Variants in ALDH1L2 observed in about 807,000 individuals in gnomAD.
ALDH1L2 encodes aldehyde dehydrogenase 1 family member L2.
ALDH1L2 carries 91 observed loss-of-function variants against 111.0 expected under a neutral mutation model. The observed-to-expected ratio is 0.82, with a 90% confidence interval of 0.69 to 0.98. The LOEUF (loss-of-function observed/expected upper bound fraction) is 0.98. ALDH1L2 is among the 50% of genes least tolerant of loss of function. The probability of loss-of-function intolerance (pLI) is 0.00; values close to 1 mark genes in which losing one functional copy is unlikely to be tolerated. For synonymous variants in ALDH1L2, 374 were observed against 392.6 expected, an observed-to-expected ratio of 0.95 and a Z score of 0.56; for missense variants, 995 against 1,126.8, an observed-to-expected ratio of 0.88 and a Z score of 1.67.
At chr12:105,066,447 C>CT (rs1877358322) in intron 5 of ALDH1L2, 121 bp downstream of exon 5, 1 of 824,164 alleles carries the variant, frequency 1.2e-6, no homozygotes, top group Non-Finnish European at 2.0e-6. Flanking sequence ...CCTGTCTACT[C>CT]TAACAGGTAG....
Position 105,031,888 on chromosome 12 carries a change from G to C in ALDH1L2, c.2291C>G (p.Ser764Cys). ...KMKIGDPLDR[S>C]TDHGPQNHKA... is the part of the protein sequence containing the mutation. ...ATGATTTTGGGGCCCATGATCAGTG[G>C]ATCTGTCAAGTGGATCACCAATTTT... Residue 764 changes from serine to cysteine, a missense_variant, in exon 20 of 23, where the codon TCC becomes TGC. Transcript: ENST00000258494. 6.2e-7 allele frequency: 1 copy of C among 1,614,074 alleles called. No individual in the cohort carries two copies. The highest frequency in any genetic ancestry group is 8.5e-7 in the Non-Finnish European group (1 of 1,180,022).
intron 5 of ALDH1L2, among the ~76,000 whole-genome samples, chr12:105,065,654 G>T (rs1402654307): frequency 1.3e-5 from 2 of 152,068 alleles, no homozygotes; most frequent in East Asian, 3.8e-4. Flanking sequence ...TTTTATGTTG[G>T]GTTTTTATTA....
At chr12:105,084,192 C>T (rs1167253924) in intron 1 of ALDH1L2, among the ~76,000 whole-genome samples, 197 bp downstream of exon 1, 2 of 152,242 alleles carry the variant, frequency 1.3e-5, no homozygotes, top group Admixed American at 6.5e-5. Flanking sequence ...AGTTCCCATC[C>T]GGGACCCTCC....
intron 9 of ALDH1L2, chr12:105,060,740 C>T (rs1346090451): frequency 8.0e-6 from 2 of 249,298 alleles, no homozygotes; most frequent in Non-Finnish European, 1.5e-5. Context: ...AGGAGAATCA[C>T]TTGAACCTGG....
In ALDH1L2 at chr12:105,058,022, T is replaced by G. The variant is rs1188921499; in HGVS notation, c.1287+51A>C. The G allele has an allele frequency of 2.6e-6, 4 of 1,556,492 alleles. No homozygotes were observed. The East Asian group carries it at 9.2e-5, about 36-fold the overall frequency. Reference sequence around the variant, plus strand: ...GGGCAACAGGCACAGCAGTCTTTTATAGTGTATGGATCTCACTGATTTAGG... The same window carrying G: ...GGGCAACAGGCACAGCAGTCTTTTAGAGTGTATGGATCTCACTGATTTAGG... On this transcript the variant is annotated intron_variant, in intron 10 of 22. Coordinates refer to ENST00000258494, the MANE Select transcript of ALDH1L2 (RefSeq NM_001034173.4).
Position 105,046,956 on chromosome 12 carries a change from G to A in ALDH1L2, c.1700C>T (p.Pro567Leu). Residue 567 changes from proline (P) to leucine (L), a missense_variant, in exon 14 of 23, where the codon CCA (proline) becomes CTA (leucine). Transcript: ENST00000258494. ...GCGATTTGGACGGGCCTGGTTGATT[G>A]GAATAGTAGAACCCTAAAGAATGAG... ...WCDKIQGSTI[P>L]INQARPNRNL... 6.2e-7 allele frequency: 1 copy of A among 1,613,874 alleles called. No individual in the cohort carries two copies. Among genetic ancestry groups the A allele is most frequent in the South Asian group, 1.1e-5 (1 of 91,068 alleles).
At chr12:105,079,195 A>G (rs1487404737) in intron 1 of ALDH1L2, among the ~76,000 whole-genome samples, 1 of 152,136 alleles carries the variant, frequency 6.6e-6, no homozygotes, top group African/African-American at 2.4e-5. Flanking sequence ...CCTGTAGCAT[A>G]GTCACAGGAT....
chr12:105,028,501 C>A (rs1228183357), intron 21 of ALDH1L2, among the ~76,000 whole-genome samples: 1 of 152,186 alleles, frequency 6.6e-6, no homozygotes, highest in African/African-American at 2.4e-5. Context: ...TTTATTGAGA[C>A]AGTACAGGTT....
At chr12:105,037,274 A>T (rs955528956) in intron 18 of ALDH1L2, among the ~76,000 whole-genome samples, 4 of 152,242 alleles carry the variant, frequency 2.6e-5, no homozygotes, top group African/African-American at 9.6e-5. Flanking sequence ...TTTAAGGCTC[A>T]CAAGGTGTTG....
At position 105,019,970 on chromosome 12, in the gene ALDH1L2, T is replaced by C. The variant is rs528084433; in HGVS notation, c.*4454A>G. ...CTATTTCTGTTTGAAAATAACCAAA[T>C]AGATTTTTGGGTTGACTCAACAAAT... On this transcript the variant is annotated 3_prime_UTR_variant, in exon 23 of 23. Coordinates refer to ENST00000258494, the MANE Select transcript of ALDH1L2 (RefSeq NM_001034173.4). 2.0e-5 allele frequency: 3 copies of C among 152,306 alleles called. No individual in the cohort carries two copies. Among genetic ancestry groups the C allele is most frequent in the East Asian group, 3.9e-4 (2 of 5,190 alleles). 9.4% of individuals were successfully genotyped at this position (152,306 alleles called of 1,614,324 possible).
At chr12:105,081,590 A>C (rs1878338925) in intron 1 of ALDH1L2, among the ~76,000 whole-genome samples, 1 of 152,220 alleles carries the variant, frequency 6.6e-6, no homozygotes, top group African/African-American at 2.4e-5. Context: ...AACTCCTACC[A>C]CAGGGAGAAG....
chr12:105,021,738 G>A lies in ALDH1L2; in HGVS notation c.*2686C>T, dbSNP rs1391966838. ...TACAGGAGGCCCTTAATAAATGGTA[G>A]CTGTCATATCGTATTATTATTGACA... On this transcript the variant is annotated 3_prime_UTR_variant, in exon 23 of 23. Coordinates refer to ENST00000258494, the MANE Select transcript of ALDH1L2 (RefSeq NM_001034173.4). 4 of 152,162 alleles carry A rather than the reference G, an allele frequency of 2.6e-5. No homozygotes were observed. The highest frequency in any genetic ancestry group is 5.9e-5 in the Non-Finnish European group (4 of 68,026). 9.4% of individuals were successfully genotyped at this position (152,162 alleles called of 1,614,324 possible). A position where few individuals can be genotyped will look rare whatever the true frequency, so the allele number is the denominator to read the frequency against.
chr12:105,040,494 A>G, intron 16 of ALDH1L2, 113 bp downstream of exon 16: 2 of 961,514 alleles, frequency 2.1e-6, no homozygotes, highest in Non-Finnish European at 1.7e-6. Flanking sequence ...GGTGAATTGT[A>G]TTTAGTTTTA....
intron 2 of ALDH1L2, 64 bp from the exon 3 acceptor site, chr12:105,070,868 C>A: frequency 7.7e-7 from 1 of 1,294,028 alleles, no homozygotes. Flanking sequence ...ACTATGAATT[C>A]ATATGTTGTA....
chr12:105,066,581 T>C lies in ALDH1L2; in HGVS notation c.683A>G (p.Lys228Arg). Reference protein sequence around the residue: ...EGATYEGIQKKENAEISWDQS... With the variant: ...EGATYEGIQKRENAEISWDQS... Reference sequence around the variant, plus strand: ...ATATATAAATACCTCAGCATTTTCCTTTTTCTGGATACCTTCATATGTTGC... The same window carrying C: ...ATATATAAATACCTCAGCATTTTCCCTTTTCTGGATACCTTCATATGTTGC... Residue 228 changes from lysine (K) to arginine (R), a missense_variant, in exon 5 of 23, where the codon AAG (lysine) becomes AGG (arginine). Transcript: ENST00000258494. The C allele has an allele frequency of 6.2e-7, 1 of 1,613,770 alleles. No individual in the cohort carries two copies. Among genetic ancestry groups the C allele is most frequent in the Non-Finnish European group, 8.5e-7 (1 of 1,179,708 alleles).
rs145987815 is a variant in ALDH1L2, at chr12:105,068,043, A to G, written c.594+676T>C. On this transcript the variant is annotated intron_variant, in intron 4 of 22. Transcript: ENST00000258494. Reference sequence around the variant, plus strand: ...AGAGGTAGAATGGAAACTTGAGCTTAGGTCTTTCTGACATCGAAGCCCTAC... The same window carrying G: ...AGAGGTAGAATGGAAACTTGAGCTTGGGTCTTTCTGACATCGAAGCCCTAC... 2.8e-3 allele frequency among the ~76,000 whole-genome samples: 427 copies of G among 152,328 alleles called. 6 individuals are homozygous for G. The highest frequency in any genetic ancestry group is 0.01 in the African/African-American group (420 of 41,562).
chr12:105,027,015 A>T (rs1874449789), intron 21 of ALDH1L2, among the ~76,000 whole-genome samples: 1 of 152,152 alleles, frequency 6.6e-6, no homozygotes, highest in South Asian at 2.1e-4. Flanking sequence ...GACTACAGGC[A>T]TGTGCCACCA....
At chr12:105,052,728 T>A in intron 11 of ALDH1L2, 84 bp downstream of exon 11, 9 of 1,535,788 alleles carry the variant, frequency 5.9e-6, no homozygotes, top group Non-Finnish European at 8.0e-6. Context: ...ATAAAAGGGC[T>A]TCTTAAGACT....
Position 105,049,989 on chromosome 12 carries a change from G to C in ALDH1L2, c.1605C>G (p.Val535=). The change falls in exon 13 of 23, where the codon GTC becomes GTG. Residue 535 remains valine (V), a synonymous_variant. Coordinates refer to ENST00000258494, the MANE Select transcript of ALDH1L2 (RefSeq NM_001034173.4). ...TGTGTGTCTTCAGGGCCAAGGTATA[G>C]ACAGCCCCTGAATCAAGGGCTTCAA... ...ATIEALDSGA[V]YTLALKTHIG... is the part of the protein sequence containing the mutation. 1 of 1,612,670 alleles carries C rather than the reference G, an allele frequency of 6.2e-7. No individual in the cohort carries two copies. The highest frequency in any genetic ancestry group is 8.5e-7 in the Non-Finnish European group (1 of 1,179,180).
Sources: allele counts gnomAD v4.1 joint callset (sites outside exome capture counted in the v4.1 genomes callset), GRCh38; gene constraint gnomAD v4.1.1; transcripts MANE v1.5; gene names NCBI Gene and HGNC (gene_info 2026-07-23, HGNC 2026-07-21).